Variants in LYN observed in about 807,000 individuals in gnomAD.
LYN encodes the protein tyrosine-protein kinase Lyn.
LYN carries 12 observed loss-of-function variants against 65.0 expected under a neutral mutation model. That is an observed-to-expected ratio of 0.18 (90% CI 0.12 to 0.30). The LOEUF (loss-of-function observed/expected upper bound fraction) is 0.30, where lower values mean the gene tolerates loss of function less well. LYN is among the 10% of genes least tolerant of loss of function. LYN has a pLI of 1.00. For synonymous variants in LYN, 222 were observed against 221.2 expected (o/e 1.00, Z -0.03); for missense variants, 380 against 623.2 (o/e 0.61, Z 4.16).
rs553934711 is a variant in LYN, at chr8:55,949,779, A to G, written c.285-680A>G. 3.3e-5 allele frequency among the ~76,000 whole-genome samples: 5 copies of G among 152,252 alleles called. No individual in the cohort carries two copies. In the East Asian group the frequency reaches 9.6e-4, roughly 29 times the overall value. On this transcript the variant is annotated intron_variant, in intron 4 of 12. Transcript: ENST00000519728. ...TTTAATAGCTTTATTGAGAATTCAC[A>G]ATACCATACAATCCATCTACTTAAA...
At chr8:55,988,865 T>G (rs1286026943) in intron 10 of LYN, among the ~76,000 whole-genome samples, 2 of 151,738 alleles carry the variant, frequency 1.3e-5, no homozygotes, top group African/African-American at 4.8e-5. Context: ...AAATGGGGGT[T>G]CTTCTCATTA....
chr8:55,901,582 G>GTAC (rs1161678094), intron 1 of LYN, among the ~76,000 whole-genome samples: 1 of 152,180 alleles, frequency 6.6e-6, no homozygotes, highest in African/African-American at 2.4e-5. Context: ...GACAGGCAGA[G>GTAC]GAATGTATTG....
At chr8:55,961,628 C>T (rs990249304) in intron 8 of LYN, among the ~76,000 whole-genome samples, 5 of 152,100 alleles carry the variant, frequency 3.3e-5, no homozygotes, top group Non-Finnish European at 5.9e-5. Flanking sequence ...CCTTGGAAAG[C>T]GTTTTTTTTC....
At chr8:55,983,691 C>T (rs931148892) in intron 10 of LYN, among the ~76,000 whole-genome samples, 3 of 152,150 alleles carry the variant, frequency 2.0e-5, no homozygotes, top group Admixed American at 6.5e-5. Context: ...CCTCATGGCA[C>T]GTTTTCCTCA....
chr8:55,892,809 G>A (rs950855747), intron 1 of LYN, among the ~76,000 whole-genome samples: 2 of 152,176 alleles, frequency 1.3e-5, no homozygotes, highest in African/African-American at 4.8e-5. Context: ...GTGTGTATGT[G>A]TGTTTAAAAT....
At chr8:55,887,918 G>A (rs1804849559) in intron 1 of LYN, among the ~76,000 whole-genome samples, 1 of 152,024 alleles carries the variant, frequency 6.6e-6, no homozygotes, top group South Asian at 2.1e-4. Context: ...CTCCTTATAT[G>A]ATTTTAAAAC....
Position 55,950,733 on chromosome 8 carries a change from C to T in LYN, c.436C>T (p.Pro146Ser). The T allele has an allele frequency of 2.5e-6, 4 of 1,613,932 alleles. No homozygotes were observed. The highest frequency in any genetic ancestry group is 2.2e-5 in the South Asian group (2 of 91,064). Residue 146 changes from proline (P) to serine (S), a missense_variant, in exon 6 of 13, where the codon CCA (proline) becomes TCA (serine). Pro to Ser is a moderately conservative substitution (Grantham distance 74). Coordinates refer to ENST00000519728, the MANE Select transcript of LYN (RefSeq NM_002350.4). ...GGACGCAGAAAGGCAGCTTTTGGCA[C>T]CAGGAAATAGCGCTGGAGCTTTCCT... is the stretch of plus-strand genomic sequence containing the variant. ...RKDAERQLLA[P>S]GNSAGAFLIR... is the part of the protein sequence containing the mutation.
intron 8 of LYN, among the ~76,000 whole-genome samples, chr8:55,965,246 C>T (rs1176679332): frequency 6.6e-6 from 1 of 152,218 alleles, no homozygotes; most frequent in Non-Finnish European, 1.5e-5. Flanking sequence ...GTGTTCCATG[C>T]GGTGTAAGAG....
intron 12 of LYN, among the ~76,000 whole-genome samples, chr8:56,005,785 GA>G (rs1157674747): frequency 1.3e-4 from 20 of 152,032 alleles, no homozygotes; most frequent in Non-Finnish European, 2.8e-4. Flanking sequence ...ATTTTATACA[GA>G]AAAAAAGAGG....
intron 1 of LYN, among the ~76,000 whole-genome samples, chr8:55,889,177 C>T (rs1253099531): frequency 1.3e-5 from 2 of 152,048 alleles, no homozygotes; most frequent in Admixed American, 1.3e-4. Flanking sequence ...ACCAGGCCTG[C>T]GTAATTTTTT....
intron 1 of LYN, among the ~76,000 whole-genome samples, chr8:55,905,771 T>G (rs1805402138): frequency 6.6e-6 from 1 of 152,134 alleles, no homozygotes; most frequent in Non-Finnish European, 1.5e-5. Context: ...CAGCGTTGCC[T>G]TGTCTGTGTC....
intron 1 of LYN, among the ~76,000 whole-genome samples, chr8:55,917,001 AC>A (rs1484090800): frequency 6.6e-6 from 1 of 151,658 alleles, no homozygotes; most frequent in Non-Finnish European, 1.5e-5. Flanking sequence ...ACACGGTGAA[AC>A]CCCGTCTCTA....
intron 12 of LYN, among the ~76,000 whole-genome samples, chr8:56,004,405 TG>T (rs1808620375): frequency 6.6e-6 from 1 of 151,288 alleles, no homozygotes; most frequent in Non-Finnish European, 1.5e-5. Flanking sequence ...GCAATGCTCC[TG>T]CCTCAGCCTC....
chr8:55,995,103 G>T (rs1019976361), intron 10 of LYN, among the ~76,000 whole-genome samples: 3 of 152,122 alleles, frequency 2.0e-5, no homozygotes, highest in African/African-American at 7.2e-5. Flanking sequence ...CACCAAAATT[G>T]CCACCCCGTG....
rs74652297 is a variant in LYN at position 55,975,324 on chromosome 8, A to C, written c.1050+5531A>C. Reference sequence around the variant, plus strand: ...CTAATGATGGAGAAATCACTGAGCCAAGAACCAGAAAACCTGCTTCTGCAT... The same window carrying C: ...CTAATGATGGAGAAATCACTGAGCCCAGAACCAGAAAACCTGCTTCTGCAT... On this transcript the variant is annotated intron_variant, in intron 10 of 12. Coordinates refer to ENST00000519728, the MANE Select transcript of LYN (RefSeq NM_002350.4). Among the ~76,000 whole-genome samples, 19 of 152,360 alleles carry C rather than the reference A, an allele frequency of 1.2e-4. No homozygotes were observed. In the East Asian group the frequency reaches 3.7e-3, roughly 29 times the overall value.
At chr8:55,928,431 C>A (rs886714243) in intron 1 of LYN, among the ~76,000 whole-genome samples, 2 of 152,218 alleles carry the variant, frequency 1.3e-5, no homozygotes, top group South Asian at 2.1e-4. Context: ...CAGTCATGAG[C>A]CACCACGCAG....
At position 55,964,342 on chromosome 8, in the gene LYN, A is replaced by G. The variant is rs532906354; in HGVS notation, c.791-2373A>G. Among the ~76,000 whole-genome samples the G allele has an allele frequency of 9.9e-5, 15 of 152,110 alleles. No homozygotes were observed. The South Asian group carries it at 3.1e-3, about 32-fold the overall frequency. ...CAAAGTGCTGGGATTACAGGCATGAACCACCTTGTCTAGCCTCATTTTTCT... is the reference window on the plus strand; with the variant it reads ...CAAAGTGCTGGGATTACAGGCATGAGCCACCTTGTCTAGCCTCATTTTTCT... On this transcript the variant is annotated intron_variant, in intron 8 of 12. Transcript: ENST00000519728.
At chr8:55,946,773 C>T (rs1397023872) in intron 3 of LYN, among the ~76,000 whole-genome samples, 1 of 152,158 alleles carries the variant, frequency 6.6e-6, no homozygotes, top group Non-Finnish European at 1.5e-5. Context: ...CGCTGGCAAC[C>T]TCCGCTCTTT....
At chr8:55,925,400 G>A (rs553121580) in intron 1 of LYN, among the ~76,000 whole-genome samples, 1 of 152,312 alleles carries the variant, frequency 6.6e-6, no homozygotes, top group Admixed American at 6.5e-5. Flanking sequence ...TGGGATTACA[G>A]GTCCGAGCCA....
Sources: allele counts gnomAD v4.1 joint callset (sites outside exome capture counted in the v4.1 genomes callset), GRCh38; gene constraint gnomAD v4.1.1; transcripts MANE v1.5; gene names NCBI Gene and HGNC (gene_info 2026-07-23, HGNC 2026-07-21).